The following QTGAL variants were observed in gnomAD, a reference collection of about 807,000 sequenced individuals.
The protein encoded by QTGAL is queuosine-tRNA galactosyltransferase.
At chr17:82,944,502 T>C in the QTGAL span, 2 of 152,150 alleles carry the variant, frequency 1.3e-5, no homozygotes, top group African/African-American at 4.8e-5. Flanking sequence ...AAGTGGGCAA[T>C]GGAATGGCAT....
At chr17:82,990,359 C>A in the QTGAL span, among the ~76,000 whole-genome samples, 1 of 152,234 alleles carries the variant, frequency 6.6e-6, no homozygotes, top group East Asian at 1.9e-4. Context: ...CTGGGAGGAA[C>A]GCCAACGCAG....
At chr17:83,017,503 G>A in the QTGAL span, among the ~76,000 whole-genome samples, 1 of 152,004 alleles carries the variant, frequency 6.6e-6, no homozygotes, top group African/African-American at 2.4e-5. Flanking sequence ...CACGCCTGTA[G>A]TCCCAGCTAC....
the QTGAL span, among the ~76,000 whole-genome samples, chr17:82,996,934 A>G: frequency 2.0e-5 from 3 of 152,378 alleles, no homozygotes; most frequent in East Asian, 5.8e-4. Flanking sequence ...ACTTCAAACT[A>G]TGAAACTACT....
At chr17:82,999,255 C>T in the QTGAL span, among the ~76,000 whole-genome samples, 5 of 150,022 alleles carry the variant, frequency 3.3e-5, no homozygotes, top group Admixed American at 6.6e-5. Context: ...CACACAAAGG[C>T]TTGTACATAT....
the QTGAL span, among the ~76,000 whole-genome samples, chr17:82,985,421 C>T: frequency 3.3e-4 from 50 of 152,300 alleles, 1 homozygote; most frequent in South Asian, 9.5e-3. Context: ...GAACTTCACA[C>T]GTTAATTCCC....
At chr17:83,042,228 G>A in the QTGAL span, among the ~76,000 whole-genome samples, 98 of 152,154 alleles carry the variant, frequency 6.4e-4, no homozygotes, top group Non-Finnish European at 3.2e-4. Flanking sequence ...TTACGCAGGC[G>A]TGCTGGCAGG....
chr17:83,020,568 C>T, the QTGAL span, among the ~76,000 whole-genome samples: 3 of 152,342 alleles, frequency 2.0e-5, no homozygotes, highest in Non-Finnish European at 2.9e-5. Flanking sequence ...GTGAGCAGGA[C>T]GCCCCTGGGG....
chr17:82,997,986 T>G, the QTGAL span, among the ~76,000 whole-genome samples: 1 of 149,384 alleles, frequency 6.7e-6, no homozygotes, highest in African/African-American at 2.4e-5. Flanking sequence ...TCTATATCTA[T>G]ATATAGATAT....
the QTGAL span, chr17:82,957,620 TAA>T: frequency 1.5e-6 from 2 of 1,296,384 alleles, no homozygotes; most frequent in Non-Finnish European, 2.1e-6. Context: ...GCCCAATGCC[TAA>T]GAGAGACTGG....
chr17:83,010,006 G>T, the QTGAL span, among the ~76,000 whole-genome samples: 1 of 140,172 alleles, frequency 7.1e-6, no homozygotes. Flanking sequence ...TGGTGTTGGG[G>T]GGCTGTGGGG....
chr17:82,967,561 C>T, the QTGAL span, among the ~76,000 whole-genome samples: 1 of 152,158 alleles, frequency 6.6e-6, no homozygotes, highest in East Asian at 1.9e-4. Context: ...GGGGGTGCTA[C>T]GTGCATCTGG....
At chr17:82,990,411 G>A in the QTGAL span, among the ~76,000 whole-genome samples, 2 of 152,244 alleles carry the variant, frequency 1.3e-5, no homozygotes, top group Admixed American at 6.5e-5. Context: ...CAAGAGACTC[G>A]CCATCGTAGG....
At chr17:83,008,004 C>A in the QTGAL span, among the ~76,000 whole-genome samples, 1 of 142,588 alleles carries the variant, frequency 7.0e-6, no homozygotes, top group Non-Finnish European at 1.6e-5. Flanking sequence ...CGCGATGCTG[C>A]CGGCACCTTC....
chr17:83,009,532 C>A, the QTGAL span, among the ~76,000 whole-genome samples: 41,879 of 152,078 alleles, frequency 0.28, 5,762 homozygotes, highest in Middle Eastern at 0.35. Context: ...TTTGCAGGGC[C>A]CTTGGCTCTA....
the QTGAL span, chr17:82,957,526 G>C: frequency 1.5e-5 from 23 of 1,576,790 alleles, no homozygotes; most frequent in Admixed American, 3.7e-5. Context: ...TAGGCAGGCC[G>C]GAGGCCCCAC....
At chr17:82,973,569 G>C in the QTGAL span, among the ~76,000 whole-genome samples, 10 of 152,110 alleles carry the variant, frequency 6.6e-5, no homozygotes, top group African/African-American at 2.2e-4. Flanking sequence ...CTGGTCCTTG[G>C]GTGTCGTGGA....
chr17:82,955,890 A>C, the QTGAL span, among the ~76,000 whole-genome samples: 1 of 152,006 alleles, frequency 6.6e-6, no homozygotes, highest in Non-Finnish European at 1.5e-5. Flanking sequence ...CAGCAAACTA[A>C]CACAGGAACA....
the QTGAL span, among the ~76,000 whole-genome samples, chr17:83,021,516 T>C: frequency 6.6e-6 from 1 of 152,120 alleles, no homozygotes; most frequent in Non-Finnish European, 1.5e-5. Context: ...AGAGAGAAAT[T>C]TAAGAAGGCA....
the QTGAL span, among the ~76,000 whole-genome samples, chr17:83,033,763 G>A: frequency 2.6e-3 from 389 of 152,128 alleles, 11 homozygotes; most frequent in East Asian, 0.061. Context: ...GAGCCACCGC[G>A]CCCGGCCTAA....
Sources: gnomAD v4.1 joint callset for allele counts (sites outside exome capture counted in the v4.1 genomes callset) on GRCh38, gnomAD v4.1.1 for gene constraint, MANE v1.5 for transcripts, NCBI Gene and HGNC (gene_info 2026-07-23, HGNC 2026-07-21) for gene names.